AGMO: variants seen among roughly 807,000 people sequenced by gnomAD.
The protein encoded by AGMO is alkylglycerol monooxygenase.
AGMO carries 75 observed loss-of-function variants against 60.2 expected under a neutral mutation model. That is an observed-to-expected ratio of 1.25 (90% CI 1.03 to 1.51). The LOEUF is 1.51. Among genes scored for constraint, AGMO ranks in the 40% most tolerant of loss-of-function variants. AGMO has a pLI of 0.00. For synonymous variants in AGMO, 261 were observed against 177.1 expected (o/e 1.47, Z -3.76); for missense variants, 763 against 525.5 (o/e 1.45, Z -4.42).
chr7:15,484,604 A>T (rs946143038), intron 3 of AGMO, among the ~76,000 whole-genome samples: 6 of 152,304 alleles, frequency 3.9e-5, no homozygotes, highest in African/African-American at 1.2e-4. Context: ...AAAACTACCA[A>T]GTAGGTATTC....
chr7:15,193,850 T>C, the AGMO span, among the ~76,000 whole-genome samples: 1 of 152,208 alleles, frequency 6.6e-6, no homozygotes, highest in Admixed American at 6.5e-5. Context: ...CAAAACATAC[T>C]TTTATTTTGA....
At chr7:15,454,300 G>C (rs1267556285) in intron 3 of AGMO, among the ~76,000 whole-genome samples, 1 of 151,822 alleles carries the variant, frequency 6.6e-6, no homozygotes, top group Non-Finnish European at 1.5e-5. Context: ...GCTTTTGCTT[G>C]AAATGTGCTT....
the AGMO span, among the ~76,000 whole-genome samples, chr7:15,168,148 G>A: frequency 6.6e-6 from 1 of 152,138 alleles, no homozygotes; most frequent in Non-Finnish European, 1.5e-5. Flanking sequence ...CTCAGTAAAG[G>A]TACAGGTCAT....
intron 12 of AGMO, among the ~76,000 whole-genome samples, chr7:15,317,286 G>C (rs1476381763): frequency 6.6e-6 from 1 of 152,028 alleles, no homozygotes; most frequent in African/African-American, 2.4e-5. Context: ...ATGTATATAA[G>C]GTATGAATTT....
At chr7:15,181,432 A>C in the AGMO span, among the ~76,000 whole-genome samples, 2 of 152,164 alleles carry the variant, frequency 1.3e-5, no homozygotes, top group Non-Finnish European at 2.9e-5. Context: ...GACCCAAACG[A>C]AACTATTTTA....
intron 3 of AGMO, among the ~76,000 whole-genome samples, chr7:15,457,937 A>G (rs1328675415): frequency 1.3e-5 from 2 of 152,190 alleles, no homozygotes. Flanking sequence ...ATTATAAATT[A>G]TATGATGAAA....
At chr7:15,551,857 A>G (rs1043856668) in intron 2 of AGMO, among the ~76,000 whole-genome samples, 1 of 152,128 alleles carries the variant, frequency 6.6e-6, no homozygotes, top group Non-Finnish European at 1.5e-5. Context: ...AGCCCGCATC[A>G]CCAAGGCAAT....
At chr7:15,551,202 G>A (rs1312767413) in intron 2 of AGMO, among the ~76,000 whole-genome samples, 2 of 152,062 alleles carry the variant, frequency 1.3e-5, no homozygotes, top group African/African-American at 4.8e-5. Flanking sequence ...CAAACCCACA[G>A]CCAATATCAT....
At chr7:15,371,897 A>G (rs1783232236) in intron 10 of AGMO, among the ~76,000 whole-genome samples, 1 of 148,548 alleles carries the variant, frequency 6.7e-6, no homozygotes, top group Non-Finnish European at 1.5e-5. Context: ...TTATTCAATC[A>G]ATAGTTTAAT....
the AGMO span, among the ~76,000 whole-genome samples, chr7:15,126,701 AC>A: frequency 1.3e-5 from 2 of 152,086 alleles, no homozygotes; most frequent in Admixed American, 1.3e-4. Flanking sequence ...AAAATATTTT[AC>A]CCCAAAGCAC....
At chr7:15,342,840 T>C (rs890230052) in intron 12 of AGMO, among the ~76,000 whole-genome samples, 1 of 144,066 alleles carries the variant, frequency 6.9e-6, no homozygotes, top group African/African-American at 2.6e-5. Context: ...CTTATGACTA[T>C]ATGACATTGG....
chr7:15,514,469 G>C (rs1783757491), intron 3 of AGMO, among the ~76,000 whole-genome samples: 1 of 152,136 alleles, frequency 6.6e-6, no homozygotes, highest in Non-Finnish European at 1.5e-5. Context: ...GAGATATATA[G>C]TATTTATGCC....
intron 12 of AGMO, among the ~76,000 whole-genome samples, chr7:15,230,629 C>T (rs1044159491): frequency 6.6e-6 from 1 of 152,200 alleles, no homozygotes. Context: ...TCCTAGGTCT[C>T]TTTATCTGAG....
At chr7:15,247,449 C>CAGAGAGAGAGAGAG (rs748208299) in intron 12 of AGMO, among the ~76,000 whole-genome samples, 9 of 116,458 alleles carry the variant, frequency 7.7e-5, no homozygotes, top group Non-Finnish European at 1.8e-5. Flanking sequence ...CACACACACA[C>CAGAGAGAGAGAGAG]ACACACACAC....
intron 12 of AGMO, among the ~76,000 whole-genome samples, chr7:15,275,960 T>A (rs942158653): frequency 6.6e-6 from 1 of 152,128 alleles, no homozygotes; most frequent in Admixed American, 6.5e-5. Flanking sequence ...CAGCAAACGG[T>A]TGGGTCTTGT....
At chr7:15,346,733 C>G (rs1371454273) in intron 12 of AGMO, among the ~76,000 whole-genome samples, 1 of 151,566 alleles carries the variant, frequency 6.6e-6, no homozygotes, top group Non-Finnish European at 1.5e-5. Flanking sequence ...CAACTTGACC[C>G]TAAGTAATAT....
At chr7:15,492,271 G>A (rs1783085685) in intron 3 of AGMO, among the ~76,000 whole-genome samples, 1 of 151,176 alleles carries the variant, frequency 6.6e-6, no homozygotes, top group South Asian at 2.1e-4. Flanking sequence ...GTTCCTTCCT[G>A]GAGTTAAGAC....
chr7:15,548,050 G>A (rs904957666), intron 2 of AGMO, among the ~76,000 whole-genome samples: 30 of 151,298 alleles, frequency 2.0e-4, no homozygotes, highest in African/African-American at 6.5e-4. Flanking sequence ...CCCCCAGCAG[G>A]GGCACACTGA....
At chr7:15,360,054 G>C (rs551371860) in intron 12 of AGMO, among the ~76,000 whole-genome samples, 2 of 152,082 alleles carry the variant, frequency 1.3e-5, no homozygotes, top group Non-Finnish European at 2.9e-5. Context: ...TGGCGGAGTA[G>C]GCACAACATA....
Sources: gnomAD v4.1 joint callset for allele counts (sites outside exome capture counted in the v4.1 genomes callset) on GRCh38, gnomAD v4.1.1 for gene constraint, MANE v1.5 for transcripts, NCBI Gene and HGNC (gene_info 2026-07-23, HGNC 2026-07-21) for gene names.